RASGRF2: variants seen among roughly 807,000 people sequenced by gnomAD.
The protein encoded by RASGRF2 is Ras protein specific guanine nucleotide releasing factor 2, also known as ras-specific guanine nucleotide-releasing factor 2.
RASGRF2 carries 76 observed loss-of-function variants against 151.0 expected under a neutral mutation model. The observed-to-expected ratio is 0.50, with a 90% CI of 0.42 to 0.61. RASGRF2 has a LOEUF of 0.61. Among genes scored for constraint, RASGRF2 ranks in the 20% least tolerant of loss-of-function variants. RASGRF2 has a pLI of 0.00. For synonymous variants in RASGRF2, 504 were observed against 566.5 expected, an observed-to-expected ratio of 0.89 and a Z score of 1.57; for missense variants, 1,148 against 1,564.6, an observed-to-expected ratio of 0.73 and a Z score of 4.49.
At chr5:80,982,754 C>A (rs1748349158) in intron 1 of RASGRF2, among the ~76,000 whole-genome samples, 1 of 151,886 alleles carries the variant, frequency 6.6e-6, no homozygotes, top group South Asian at 2.1e-4. Context: ...GTGCCTGCCA[C>A]CACCCCCGGC....
intron 14 of RASGRF2, 112 bp downstream of exon 14, chr5:81,112,970 G>A (rs934246103): frequency 7.3e-7 from 1 of 1,378,140 alleles, no homozygotes; most frequent in Non-Finnish European, 9.9e-7. Context: ...GGGTGTACTA[G>A]CTTGCCTCTG....
intron 1 of RASGRF2, among the ~76,000 whole-genome samples, chr5:81,003,298 C>G (rs957227872): frequency 6.7e-6 from 1 of 149,032 alleles, no homozygotes; most frequent in African/African-American, 2.5e-5. Flanking sequence ...TCTCGGCTCA[C>G]TGCAAGCTCC....
intron 17 of RASGRF2, among the ~76,000 whole-genome samples, chr5:81,127,923 C>CAAAAAAAAAAAAAAAAAAAAAAA (rs60196392): frequency 1.5e-5 from 1 of 64,882 alleles, no homozygotes; most frequent in Admixed American, 2.1e-4. Flanking sequence ...GACTCCGTCT[C>CAAAAAAAAAAAAAAAAAAAAAAA]AAAAAAAAAA....
intron 25 of RASGRF2, among the ~76,000 whole-genome samples, chr5:81,218,265 C>T (rs1428506278): frequency 6.6e-6 from 1 of 152,104 alleles, no homozygotes. Context: ...GTCATGAAAT[C>T]CTTACTTAAA....
chr5:81,065,686 C>T (rs548383344), intron 2 of RASGRF2, among the ~76,000 whole-genome samples: 2 of 152,240 alleles, frequency 1.3e-5, no homozygotes, highest in South Asian at 4.2e-4. Context: ...GGAGACTCTC[C>T]GGGCCACTCT....
intron 2 of RASGRF2, among the ~76,000 whole-genome samples, chr5:81,056,068 C>A (rs1182118209): frequency 4.0e-5 from 6 of 151,448 alleles, no homozygotes; most frequent in East Asian, 1.9e-4. Flanking sequence ...TTGATCTTTT[C>A]AAAAAACCAG....
chr5:81,225,825 G>T lies in RASGRF2; in HGVS notation c.*55G>T. ...ATGTTCATGGAAAGCAGGACAGACAGAATTGTGTATGCCTTGCCTATCACG... is the reference window on the plus strand; with the variant it reads ...ATGTTCATGGAAAGCAGGACAGACATAATTGTGTATGCCTTGCCTATCACG... On this transcript the variant is annotated 3_prime_UTR_variant, in exon 27 of 27. Transcript: ENST00000265080. The T allele has an allele frequency of 6.3e-7, 1 of 1,580,596 alleles. No homozygotes were observed. Among genetic ancestry groups the T allele is most frequent in the Non-Finnish European group, 8.6e-7 (1 of 1,163,508 alleles).
At chr5:80,980,613 G>C (rs899171323) in intron 1 of RASGRF2, among the ~76,000 whole-genome samples, 5 of 152,098 alleles carry the variant, frequency 3.3e-5, no homozygotes, top group African/African-American at 1.2e-4. Context: ...CTGCACTCTA[G>C]CCTGGGCGAC....
chr5:81,018,031 C>T (rs1035238687), intron 1 of RASGRF2, among the ~76,000 whole-genome samples: 3 of 152,032 alleles, frequency 2.0e-5, no homozygotes, highest in Non-Finnish European at 4.4e-5. Context: ...ATCACTTGAA[C>T]CTGGGAGGCA....
At chr5:81,068,366 A>G (rs534217991) in intron 3 of RASGRF2, among the ~76,000 whole-genome samples, 187 bp downstream of exon 3, 2 of 149,670 alleles carry the variant, frequency 1.3e-5, no homozygotes, top group African/African-American at 4.9e-5. Flanking sequence ...TAAATGTGCT[A>G]CAGGAACATA....
intron 18 of RASGRF2, 45 bp downstream of exon 18, chr5:81,180,326 A>T (rs777784751): frequency 1.6e-6 from 2 of 1,230,488 alleles, no homozygotes; most frequent in Non-Finnish European, 2.4e-6. Flanking sequence ...TTTTTTAAAA[A>T]ATCATCTTTT....
rs373987342 is a variant in RASGRF2 at position 81,054,122 on chromosome 5, G to T, written c.395+11139G>T. On this transcript the variant is annotated intron_variant, in intron 2 of 26. Coordinates refer to ENST00000265080, the MANE Select transcript of RASGRF2 (RefSeq NM_006909.3). ...TTTCTTTTGCTGTGCAGAAGCTCTT[G>T]AGTTTAATTAGATCCCATTTGTCAA... 9.0e-4 allele frequency among the ~76,000 whole-genome samples: 137 copies of T among 152,234 alleles called. 1 individual carries two copies. Among genetic ancestry groups the T allele is most frequent in the African/African-American group, 3.2e-3 (132 of 41,546 alleles).
rs1755997499 is a variant in RASGRF2 at position 81,226,249 on chromosome 5, C to G, written c.*479C>G. The G allele has an allele frequency of 1.3e-5, 2 of 153,016 alleles. No individual in the cohort carries two copies. Among genetic ancestry groups the G allele is most frequent in the Admixed American group, 1.3e-4 (2 of 15,324 alleles). 9.5% of individuals were successfully genotyped at this position (153,016 alleles called of 1,614,324 possible). On this transcript the variant is annotated 3_prime_UTR_variant, in exon 27 of 27. Transcript: ENST00000265080. The stretch of plus-strand genomic sequence containing the variant: ...CTTCACAGAAAAGCTGACACTTCCT[C>G]TACAGAGATGGACCAAAACATAAGC...
intron 5 of RASGRF2, among the ~76,000 whole-genome samples, chr5:81,079,613 C>CT (rs1405321232): frequency 6.6e-6 from 1 of 152,104 alleles, no homozygotes; most frequent in African/African-American, 2.4e-5. Flanking sequence ...TCTGTGTAGG[C>CT]TTCACTCTTT....
In RASGRF2 at chr5:81,208,369, G is replaced by C. The variant is rs1230341574; in HGVS notation, c.3087G>C (p.Gln1029His). ...GAACTTCCAGGGAGTTTCTTGGGCA[G>C]GGGTGGATGAAGCTGGATAAAAACG... ...RSIPYEEFLG[Q>H]GWMKLDKNER... The change falls in exon 22 of 27, where the codon CAG becomes CAC. Residue 1029 changes from glutamine (Q) to histidine (H), a missense_variant. By Grantham distance (24) the Gln-to-His change is conservative. Around this residue, in one of 5 missense-constraint regions of RASGRF2, gnomAD observed 646 missense variants for 807.4 expected, o/e 0.80. Coordinates refer to ENST00000265080, the MANE Select transcript of RASGRF2 (RefSeq NM_006909.3). 2.5e-6 allele frequency: 4 copies of C among 1,613,778 alleles called. No individual in the cohort carries two copies.
chr5:81,029,991 A>G (rs1750179872), intron 1 of RASGRF2, among the ~76,000 whole-genome samples: 1 of 152,192 alleles, frequency 6.6e-6, no homozygotes, highest in Non-Finnish European at 1.5e-5. Context: ...ATGGCACGAG[A>G]ACTATGTGAG....
chr5:81,137,014 T>A (rs1215148412), intron 17 of RASGRF2, among the ~76,000 whole-genome samples: 1 of 152,132 alleles, frequency 6.6e-6, no homozygotes, highest in African/African-American at 2.4e-5. Context: ...TTGCATATTG[T>A]CTACTTTTTC....
In RASGRF2 at chr5:81,185,137, A is replaced by T. The variant is rs1754997760; in HGVS notation, c.2793+4856A>T. On this transcript the variant is annotated intron_variant, in intron 18 of 26. Coordinates refer to ENST00000265080, the MANE Select transcript of RASGRF2 (RefSeq NM_006909.3). ...GTGATCACCCACCTGTGGGAAGTTG[A>T]GGTAGGAGAGGTCAAGGAGAGGGAG... 3.9e-5 allele frequency among the ~76,000 whole-genome samples: 6 copies of T among 152,154 alleles called. No individual in the cohort carries two copies. In the South Asian group the frequency reaches 1.2e-3, roughly 32 times the overall value.
At chr5:80,995,016 G>A (rs921489751) in intron 1 of RASGRF2, among the ~76,000 whole-genome samples, 2 of 152,070 alleles carry the variant, frequency 1.3e-5, no homozygotes, top group Non-Finnish European at 2.9e-5. Flanking sequence ...CAGCACTTTG[G>A]GAGGCTGAGG....
Sources: gnomAD v4.1 joint callset for allele counts (sites outside exome capture counted in the v4.1 genomes callset) on GRCh38, gnomAD v4.1.1 for gene constraint, gnomAD v4.1.1 regional missense constraint, MANE v1.5 for transcripts, NCBI Gene and HGNC (gene_info 2026-07-23, HGNC 2026-07-21) for gene names.